CBX7: variants seen among roughly 807,000 people sequenced by gnomAD.
CBX7 encodes chromobox protein homolog 7.
Under a neutral mutation model 31.4 loss-of-function variants are expected in CBX7, and 14 were observed. The ratio of observed to expected loss-of-function variants is 0.45; its 90% CI spans 0.29 to 0.70. The LOEUF (loss-of-function observed/expected upper bound fraction) is 0.70. Ranked by LOEUF, CBX7 falls within the 30% of genes least tolerant of loss-of-function variation. The pLI is 0.11. For missense variants in CBX7, 269 were observed against 351.9 expected, an observed-to-expected ratio of 0.76 and a Z score of 1.89; for synonymous variants, 159 against 152.6, an observed-to-expected ratio of 1.04 and a Z score of -0.31.
intron 4 of CBX7, chr22:39,134,973 C>T (rs1302037509): frequency 3.8e-6 from 2 of 530,882 alleles, no homozygotes; most frequent in Non-Finnish European, 3.3e-6. Context: ...CTCTGGGCCC[C>T]ACAGAGCACT....
At chr22:39,148,620 G>A (rs1930742988) in intron 2 of CBX7, 1 of 152,256 alleles carries the variant, frequency 6.6e-6, no homozygotes, top group Non-Finnish European at 1.5e-5. Context: ...AGAATATTCG[G>A]GAAGGGAGAA....
chr22:39,133,867 T>G lies in CBX7; in HGVS notation c.*24A>C. On this transcript the variant is annotated 3_prime_UTR_variant, in exon 6 of 6. Coordinates refer to ENST00000216133, the MANE Select transcript of CBX7 (RefSeq NM_175709.5). ...CCACCCCAAGCCCAAAAGAAAACAGTTTAAGAAGAGTAAAAACGGTGATTC... is the reference window on the plus strand; with the variant it reads ...CCACCCCAAGCCCAAAAGAAAACAGGTTAAGAAGAGTAAAAACGGTGATTC... 6.3e-7 allele frequency: 1 copy of G among 1,578,716 alleles called. No individual in the cohort carries two copies. Among genetic ancestry groups the G allele is most frequent in the Non-Finnish European group, 8.6e-7 (1 of 1,157,708 alleles).
intron 2 of CBX7, chr22:39,147,117 T>TTTG (rs1569111810): frequency 3.0e-5 from 4 of 131,490 alleles, no homozygotes; most frequent in Non-Finnish European, 3.2e-5. Flanking sequence ...TTTTTTTTTT[T>TTTG]GTGGGGGACG....
chr22:39,144,471 G>A (rs1267779525), intron 2 of CBX7, among the ~76,000 whole-genome samples: 2 of 152,216 alleles, frequency 1.3e-5, no homozygotes, highest in East Asian at 3.9e-4. Flanking sequence ...AATGGACCAG[G>A]AAACACCCTG....
chr22:39,138,073 G>T (rs951996055), intron 4 of CBX7, among the ~76,000 whole-genome samples: 17 of 151,954 alleles, frequency 1.1e-4, no homozygotes, highest in African/African-American at 4.1e-4. Flanking sequence ...CCCAGCTACT[G>T]GGGAGGCTGA....
intron 2 of CBX7, among the ~76,000 whole-genome samples, chr22:39,143,195 A>C (rs1403019766): frequency 6.6e-6 from 1 of 152,032 alleles, no homozygotes; most frequent in Non-Finnish European, 1.5e-5. Context: ...CAGAGGTTGC[A>C]GTGAGCCGAG....
At chr22:39,135,299 C>A (rs980035519) in intron 4 of CBX7, 3 of 153,322 alleles carry the variant, frequency 2.0e-5, no homozygotes, top group East Asian at 1.9e-4. Context: ...CACCCCGACC[C>A]CTCCAGGGGG....
At chr22:39,149,425 G>A (rs1930774225) in intron 2 of CBX7, 5 of 378,836 alleles carry the variant, frequency 1.3e-5, no homozygotes, top group African/African-American at 8.2e-5. Flanking sequence ...TGTGCTTAAA[G>A]CAGCTGGGGT....
chr22:39,135,403 G>A (rs1181776132), intron 4 of CBX7: 1 of 152,276 alleles, frequency 6.6e-6, no homozygotes, highest in Non-Finnish European at 1.5e-5. Flanking sequence ...AGTTTGTAAT[G>A]TCGGGATTTA....
intron 5 of CBX7, 56 bp downstream of exon 5, chr22:39,134,345 T>C: frequency 7.1e-7 from 1 of 1,408,982 alleles, no homozygotes; most frequent in East Asian, 2.4e-5. Flanking sequence ...AGCTGGACCT[T>C]ATGACCCATA....
At chr22:39,147,414 T>C (rs1310544001) in intron 2 of CBX7, 1 of 152,084 alleles carries the variant, frequency 6.6e-6, no homozygotes, top group Non-Finnish European at 1.5e-5. Context: ...CTGAGAAGAA[T>C]GTAAGTCTCC....
intron 4 of CBX7, among the ~76,000 whole-genome samples, chr22:39,137,098 G>A (rs1473715497): frequency 6.6e-6 from 1 of 152,170 alleles, no homozygotes; most frequent in Non-Finnish European, 1.5e-5. Flanking sequence ...TTTTACAGGT[G>A]AAGAGGCTTA....
rs947062754 is a variant in CBX7 at position 39,134,412 on chromosome 22, G to C, written c.587C>G (p.Pro196Arg). ...AGEWEPAAQPPEEEADADLAE... is the reference protein window; with the variant it reads ...AGEWEPAAQPREEEADADLAE... ...TGGGGCCGCCTTACCCTCCTCTTCA[G>C]GGGGCTGCGCAGCAGGCTCCCACTC... The change falls in exon 5 of 6, where the codon CCT (proline) becomes CGT (arginine). Residue 196 changes from proline (P) to arginine (R), a missense_variant. By Grantham distance (103) the Pro-to-Arg change is moderately radical (BLOSUM62 -2). Coordinates refer to ENST00000216133, the MANE Select transcript of CBX7 (RefSeq NM_175709.5). 15 of 1,599,314 alleles carry C rather than the reference G, an allele frequency of 9.4e-6. No individual in the cohort carries two copies. The highest frequency in any genetic ancestry group is 1.3e-5 in the Non-Finnish European group (15 of 1,179,096).
In CBX7 at chr22:39,152,614, A is replaced by T. The variant is rs1930907266; in HGVS notation, c.-170T>A. 3 of 152,162 alleles carry T rather than the reference A, an allele frequency of 2.0e-5. No homozygotes were observed. Among genetic ancestry groups the T allele is most frequent in the Admixed American group, 6.7e-5 (1 of 14,982 alleles). 9.4% of individuals were successfully genotyped at this position (152,162 alleles called of 1,614,324 possible). On this transcript the variant is annotated 5_prime_UTR_variant, in exon 1 of 6. Transcript: ENST00000216133. This position sits in a 1 kb window ranked among gnomAD's most constrained non-coding sequence, Gnocchi z 4.9. ...CCCCTCGCGCTCCCTCACGCCGCCG[A>T]CGTTCCATTTTTGAACCTGCGCAAC...
At chr22:39,137,953 G>A (rs1417949150) in intron 4 of CBX7, among the ~76,000 whole-genome samples, 2 of 152,188 alleles carry the variant, frequency 1.3e-5, no homozygotes, top group East Asian at 1.9e-4. Context: ...AGGCCAAGCC[G>A]GGCGGATCAT....
rs1930092730 is a variant in CBX7, at chr22:39,132,811, T to C, written c.*1080A>G. ...AGGGGAGGGCAGAAAAAGAGGGGAA[T>C]TGGAAGGGCTGAAAAGTCACCTGAG... On this transcript the variant is annotated 3_prime_UTR_variant, in exon 6 of 6. Transcript: ENST00000216133. 6.6e-6 allele frequency: 1 copy of C among 152,038 alleles called. No individual in the cohort carries two copies. Among genetic ancestry groups the C allele is most frequent in the Admixed American group, 6.6e-5 (1 of 15,220 alleles). The allele number at this position is 152,038 out of a possible 1,614,324, so 9.4% of individuals were successfully genotyped here. A position where few individuals can be genotyped will look rare whatever the true frequency, so the allele number is the denominator to read the frequency against.
Position 39,134,665 on chromosome 22 carries a change from C to T in CBX7, c.334G>A (p.Gly112Arg), listed in dbSNP as rs781069596. The T allele has an allele frequency of 5.0e-6, 8 of 1,586,798 alleles. No individual in the cohort carries two copies. The highest frequency in any genetic ancestry group is 2.3e-5 in the East Asian group (1 of 43,474). The change falls in exon 5 of 6, where the codon GGG becomes AGG. Residue 112 changes from glycine (G) to arginine (R), a missense_variant. By Grantham distance (125) the Gly-to-Arg change is moderately radical. Around this residue, in one of 2 missense-constraint regions of CBX7, gnomAD observed 222 missense variants for 240.4 expected, o/e 0.92. Transcript: ENST00000216133. ...GCCTTGACCACCCCCTCAGGGCTCC[C>T]GCTGCCGAGTGGGCACGTCAGGGAG... ...CFSLTCPLGS[G>R]SPEGVVKAGA...
In CBX7 at chr22:39,134,036, AG is replaced by A. The variant is rs1569105409; in HGVS notation, c.610del (p.Leu204TrpfsTer17). The A allele has an allele frequency of 6.2e-7, 1 of 1,602,182 alleles. No individual in the cohort carries two copies. Among genetic ancestry groups the A allele is most frequent in the South Asian group, 1.1e-5 (1 of 90,538 alleles). Reference protein sequence around the residue: ...QPPEEEADADLAEGPPPWTPA... With the variant: ...QPPEEEADADXAEGPPPWTPA... ...TGTCCAGGGAGGGGGCCCCTCGGCC[AG>A]GTCGGCATCTGCTGCAGCGTCAGAC... is the stretch of plus-strand genomic sequence containing the variant. On this transcript the variant is annotated frameshift_variant, in exon 6 of 6. Coordinates refer to ENST00000216133, the MANE Select transcript of CBX7 (RefSeq NM_175709.5). LOFTEE classifies it high-confidence loss of function.
At position 39,133,938 on chromosome 22, in the gene CBX7, C is replaced by A; in HGVS notation, c.709G>T (p.Ala237Ser). ...ANSITVTFRE[A>S]QAAEGFFRDR... ...CGGAAGAAGCCCTCAGCTGCCTGGG[C>A]CTCGCGGAAGGTGACGGTGATGGAG... The change falls in exon 6 of 6, where the codon GCC (alanine) becomes TCC (serine). Residue 237 changes from alanine to serine, a missense_variant. Around this residue, in one of 2 missense-constraint regions of CBX7, gnomAD observed 222 missense variants for 240.4 expected, o/e 0.92. Transcript: ENST00000216133. 6.2e-7 allele frequency: 1 copy of A among 1,613,792 alleles called. No homozygotes were observed. The highest frequency in any genetic ancestry group is 8.5e-7 in the Non-Finnish European group (1 of 1,179,828).
Sources: allele counts gnomAD v4.1 joint callset (sites outside exome capture counted in the v4.1 genomes callset), GRCh38; gene constraint gnomAD v4.1.1; regional missense constraint gnomAD v4.1.1; non-coding constraint Gnocchi (gnomAD v3.1); transcripts MANE v1.5; gene names NCBI Gene and HGNC (gene_info 2026-07-23, HGNC 2026-07-21).